The following PRDM6 variants were observed in gnomAD, a reference collection of about 807,000 sequenced individuals.
PRDM6 encodes the protein PR/SET domain 6, also known as putative histone-lysine N-methyltransferase PRDM6.
A neutral mutation model predicts 60.8 loss-of-function variants in PRDM6; 25 were observed. The observed-to-expected ratio is 0.41, with a 90% confidence interval of 0.30 to 0.57. PRDM6 has a LOEUF of 0.57. Among genes scored for constraint, PRDM6 ranks in the 20% least tolerant of loss-of-function variants. PRDM6 has a pLI of 0.27. For missense variants in PRDM6, 839 were observed against 821.3 expected (o/e 1.02, Z -0.26); for synonymous variants, 407 against 357.4 (o/e 1.14, Z -1.57).
At chr5:123,091,457 AC>A (rs760801165) in intron 2 of PRDM6, among the ~76,000 whole-genome samples, 37 of 152,348 alleles carry the variant, frequency 2.4e-4, no homozygotes, top group Non-Finnish European at 3.7e-4. Flanking sequence ...GCCTAACTAA[AC>A]ATCAGAATTC....
At chr5:123,168,530 G>A (rs1765811955) in intron 5 of PRDM6, among the ~76,000 whole-genome samples, 2 of 152,188 alleles carry the variant, frequency 1.3e-5, no homozygotes, top group Admixed American at 6.5e-5. Flanking sequence ...GGAGAAGGTA[G>A]GATTAGATCA....
At chr5:123,164,046 A>G (rs1224279855) in intron 5 of PRDM6, among the ~76,000 whole-genome samples, 1 of 152,190 alleles carries the variant, frequency 6.6e-6, no homozygotes, top group African/African-American at 2.4e-5. Flanking sequence ...GGTGACCTTT[A>G]GAAGATAATG....
At chr5:123,164,419 C>T (rs1765708833) in intron 5 of PRDM6, among the ~76,000 whole-genome samples, 1 of 152,150 alleles carries the variant, frequency 6.6e-6, no homozygotes, top group Non-Finnish European at 1.5e-5. Context: ...CATCTTGGGG[C>T]ACTGGTGAAA....
intron 2 of PRDM6, 43 bp downstream of exon 2, chr5:123,090,649 GCCGGCGC>G (rs1561793203): frequency 6.9e-7 from 1 of 1,443,526 alleles, no homozygotes; most frequent in South Asian, 1.3e-5. Context: ...GGGCGCCGGC[GCCGGCGC>G]CGGCGGGCGC....
intron 4 of PRDM6, among the ~76,000 whole-genome samples, 175 bp downstream of exon 4, chr5:123,156,186 G>C (rs184608260): frequency 6.6e-6 from 1 of 151,998 alleles, no homozygotes. Flanking sequence ...GACAGTAAGA[G>C]CATTCATGAA....
chr5:123,124,863 G>T (rs1613593), intron 3 of PRDM6, among the ~76,000 whole-genome samples: 3 of 151,304 alleles, frequency 2.0e-5, no homozygotes, highest in African/African-American at 7.3e-5. Context: ...TTTTTTCTAC[G>T]TGTAAAATAA....
At chr5:123,184,843 A>G (rs1766247778) in intron 7 of PRDM6, among the ~76,000 whole-genome samples, 1 of 152,138 alleles carries the variant, frequency 6.6e-6, no homozygotes, top group Admixed American at 6.5e-5. Context: ...CCCAGACAAC[A>G]TAGATATTAT....
At chr5:123,141,174 G>T (rs150496348) in intron 3 of PRDM6, among the ~76,000 whole-genome samples, 33 of 151,808 alleles carry the variant, frequency 2.2e-4, no homozygotes, top group African/African-American at 7.5e-4. Flanking sequence ...TTGTTTTGAG[G>T]ATATGGGAGT....
intron 7 of PRDM6, among the ~76,000 whole-genome samples, chr5:123,181,101 T>G (rs1306012904): frequency 3.9e-5 from 6 of 152,370 alleles, no homozygotes; most frequent in Non-Finnish European, 8.8e-5. Flanking sequence ...ATTCATTCAT[T>G]TACTCATTCA....
At chr5:123,119,452 A>G (rs335162) in intron 3 of PRDM6, among the ~76,000 whole-genome samples, 31,143 of 152,106 alleles carry the variant, frequency 0.2, 3,892 homozygotes, top group East Asian at 0.45. Flanking sequence ...AAGGGCTTAC[A>G]GTCCTGCCAC....
intron 3 of PRDM6, among the ~76,000 whole-genome samples, chr5:123,129,041 T>C (rs1393629642): frequency 1.3e-5 from 2 of 152,188 alleles, no homozygotes; most frequent in Admixed American, 6.5e-5. Flanking sequence ...CATTTCTTAT[T>C]TTTGTCAGGT....
In PRDM6 at chr5:123,164,738, T is replaced by C. The variant is rs186765739; in HGVS notation, c.1153+5100T>C. On this transcript the variant is annotated intron_variant, in intron 5 of 7. Transcript: ENST00000407847. ...TTTTGCGTGCTGTAGGATATTGTGGTGTGCTGCCTCAAGCCCAGCTTTGCT... is the reference window on the plus strand; with the variant it reads ...TTTTGCGTGCTGTAGGATATTGTGGCGTGCTGCCTCAAGCCCAGCTTTGCT... 5.3e-3 allele frequency among the ~76,000 whole-genome samples: 810 copies of C among 152,256 alleles called. 8 individuals carry two copies. The highest frequency in any genetic ancestry group is 0.018 in the African/African-American group (759 of 41,540).
chr5:123,145,887 C>CTGT (rs1410834844), intron 3 of PRDM6, among the ~76,000 whole-genome samples: 1 of 152,050 alleles, frequency 6.6e-6, no homozygotes, highest in East Asian at 1.9e-4. Context: ...AGAAATAAAG[C>CTGT]TGTTGCCTGC....
intron 7 of PRDM6, among the ~76,000 whole-genome samples, chr5:123,181,668 C>T (rs1337388930): frequency 6.6e-6 from 1 of 152,166 alleles, no homozygotes. Flanking sequence ...CATGATCAAG[C>T]AAGAGAGGAA....
At chr5:123,135,159 A>G (rs912293871) in intron 3 of PRDM6, among the ~76,000 whole-genome samples, 1 of 152,230 alleles carries the variant, frequency 6.6e-6, no homozygotes, top group African/African-American at 2.4e-5. Context: ...GTGGTGAGGT[A>G]AACATATATC....
intron 6 of PRDM6, among the ~76,000 whole-genome samples, chr5:123,177,513 A>G (rs1324439251): frequency 6.6e-6 from 1 of 152,196 alleles, no homozygotes; most frequent in Non-Finnish European, 1.5e-5. Flanking sequence ...GATTAACTAA[A>G]ACAAGGTTTG....
chr5:123,151,883 C>A (rs1172023061), intron 3 of PRDM6, among the ~76,000 whole-genome samples: 2 of 152,020 alleles, frequency 1.3e-5, no homozygotes, highest in Admixed American at 6.6e-5. Flanking sequence ...TTAACCAGGG[C>A]AAATTTCATC....
intron 3 of PRDM6, among the ~76,000 whole-genome samples, chr5:123,127,034 C>T (rs1358973683): frequency 6.6e-6 from 1 of 151,768 alleles, no homozygotes; most frequent in East Asian, 1.9e-4. Context: ...CCACTCCCAA[C>T]ACTTAACTTT....
At chr5:123,141,824 A>C (rs1401406508) in intron 3 of PRDM6, among the ~76,000 whole-genome samples, 2 of 152,180 alleles carry the variant, frequency 1.3e-5, no homozygotes, top group Non-Finnish European at 2.9e-5. Context: ...CAGGCTCTTC[A>C]CATGGACAAT....
Sources: allele counts gnomAD v4.1 joint callset (sites outside exome capture counted in the v4.1 genomes callset), GRCh38; gene constraint gnomAD v4.1.1; transcripts MANE v1.5; gene names NCBI Gene and HGNC (gene_info 2026-07-23, HGNC 2026-07-21).